The following ADGRV1 variants were observed in gnomAD, a reference collection of about 807,000 sequenced individuals.
ADGRV1 encodes the protein adhesion G protein-coupled receptor V1.
A neutral mutation model predicts 596.2 loss-of-function variants in ADGRV1; 359 were observed. The ratio of observed to expected loss-of-function variants is 0.60; its 90% CI spans 0.55 to 0.66. ADGRV1 has a LOEUF of 0.66. Ranked by LOEUF, ADGRV1 falls within the 30% of genes least tolerant of loss-of-function variation. ADGRV1 has a pLI of 0.00. For synonymous variants in ADGRV1, 2,681 were observed against 2,679.2 expected, an observed-to-expected ratio of 1.00 and a Z score of -0.02; for missense variants, 7,274 against 7,575.6, an observed-to-expected ratio of 0.96 and a Z score of 1.48.
At chr5:90,685,626 A>G (rs1298399270) in intron 28 of ADGRV1, among the ~76,000 whole-genome samples, 154 bp from the exon 29 acceptor site, 1 of 149,506 alleles carries the variant, frequency 6.7e-6, no homozygotes, top group African/African-American at 2.4e-5. Flanking sequence ...AAATAAATAA[A>G]TAAATAAATA....
chr5:90,682,168 T>C (rs979321138), intron 27 of ADGRV1, among the ~76,000 whole-genome samples: 1 of 152,190 alleles, frequency 6.6e-6, no homozygotes, highest in Non-Finnish European at 1.5e-5. Context: ...AGTATGTATA[T>C]GTCCAACTTA....
intron 58 of ADGRV1, chr5:90,762,713 G>C (rs1424448925): frequency 6.6e-6 from 1 of 152,160 alleles, no homozygotes; most frequent in Non-Finnish European, 1.5e-5. Flanking sequence ...CGCTAAAGTA[G>C]GTACACCATA....
At chr5:91,142,921 C>G (rs1795215442) in intron 87 of ADGRV1, among the ~76,000 whole-genome samples, 2 of 152,338 alleles carry the variant, frequency 1.3e-5, no homozygotes, top group Middle Eastern at 3.4e-3. Context: ...CTCAGGCCCA[C>G]TGGGCCTGCT....
chr5:91,137,794 G>A (rs1794766715), intron 87 of ADGRV1, among the ~76,000 whole-genome samples: 2 of 152,174 alleles, frequency 1.3e-5, no homozygotes, highest in Admixed American at 1.3e-4. Flanking sequence ...GACCAAGCCT[G>A]TTCTGTTCAC....
intron 85 of ADGRV1, among the ~76,000 whole-genome samples, chr5:91,039,331 T>C (rs1459987025): frequency 2.6e-5 from 4 of 152,232 alleles, no homozygotes; most frequent in Admixed American, 2.6e-4. Context: ...CGGTTAGGCT[T>C]TCTTCATGAA....
chr5:90,642,679 C>T lies in ADGRV1; in HGVS notation c.2284C>T (p.Arg762Cys), dbSNP rs41302842. ...AGTGCTGAAATCTGGATATACTAGC[C>T]GTGACCTAATTATTTTGGAAAATGA... is the stretch of plus-strand genomic sequence containing the variant. ...NQVLKSGYTSRDLIILENDDP... is the reference protein window; with the variant it reads ...NQVLKSGYTSCDLIILENDDP... Residue 762 changes from arginine (R) to cysteine (C), a missense_variant, in exon 12 of 90, where the codon CGT becomes TGT. By Grantham distance (180) the Arg-to-Cys change is radical. Transcript: ENST00000405460. 259 of 1,613,474 alleles carry T rather than the reference C, an allele frequency of 1.6e-4. 3 individuals are homozygous for T. The South Asian group carries it at 1.8e-3, about 11-fold the overall frequency.
chr5:91,138,414 A>AT (rs1794822019), intron 87 of ADGRV1, among the ~76,000 whole-genome samples: 1 of 151,788 alleles, frequency 6.6e-6, no homozygotes, highest in African/African-American at 2.4e-5. Flanking sequence ...TTCAATTTTT[A>AT]TTTTTTTAAG....
At chr5:90,936,111 T>A (rs546608868) in intron 83 of ADGRV1, among the ~76,000 whole-genome samples, 1 of 152,340 alleles carries the variant, frequency 6.6e-6, no homozygotes, top group East Asian at 1.9e-4. Flanking sequence ...CTAGACTTTA[T>A]GAATCATTGC....
At chr5:91,045,187 A>G (rs181131360) in intron 85 of ADGRV1, among the ~76,000 whole-genome samples, 6 of 152,294 alleles carry the variant, frequency 3.9e-5, no homozygotes, top group Admixed American at 6.5e-5. Flanking sequence ...AAATCATTCT[A>G]TGAAGCCAGT....
chr5:90,940,690 A>G (rs1776099801), intron 83 of ADGRV1, among the ~76,000 whole-genome samples: 1 of 152,214 alleles, frequency 6.6e-6, no homozygotes, highest in Non-Finnish European at 1.5e-5. Context: ...ACAAAAGCCC[A>G]CAGAAGGAGA....
chr5:90,828,354 C>T (rs1764237612), intron 76 of ADGRV1, among the ~76,000 whole-genome samples: 1 of 151,660 alleles, frequency 6.6e-6, no homozygotes, highest in African/African-American at 2.4e-5. Flanking sequence ...TTTCCCCCTC[C>T]TCAGTAATAT....
At chr5:91,072,231 G>C (rs1212686345) in intron 85 of ADGRV1, among the ~76,000 whole-genome samples, 1 of 152,122 alleles carries the variant, frequency 6.6e-6, no homozygotes, top group Admixed American at 6.5e-5. Flanking sequence ...AACTTTACAA[G>C]AGGTGAATGT....
chr5:90,807,558 A>T, intron 72 of ADGRV1, 44 bp from the exon 73 acceptor site: 1 of 1,547,266 alleles, frequency 6.5e-7, no homozygotes, highest in Non-Finnish European at 8.8e-7. Context: ...CCAATTTAAG[A>T]AAAGAAATAA....
At position 90,617,850 on chromosome 5, in the gene ADGRV1, CT is replaced by C; in HGVS notation, c.258del (p.Phe86LeufsTer13). On this transcript the variant is annotated frameshift_variant, in exon 3 of 90. Coordinates refer to ENST00000405460, the MANE Select transcript of ADGRV1 (RefSeq NM_032119.4). LOFTEE classifies it high-confidence loss of function. Reference protein sequence around the residue: ...AGDFFDTYAAAFIPAGETNRT... With the variant: ...AGDFFDTYAAXFIPAGETNRT... ...GACTTTTTTGACACATATGCTGCAG[CT>C]TTTATACCTGCCGGAGAAACAAACA... 6.2e-7 allele frequency: 1 copy of C among 1,600,374 alleles called. No homozygotes were observed.
intron 70 of ADGRV1, among the ~76,000 whole-genome samples, chr5:90,796,995 C>G (rs995984735): frequency 6.6e-6 from 1 of 151,992 alleles, no homozygotes; most frequent in Non-Finnish European, 1.5e-5. Context: ...AAAGTAAAAC[C>G]GGTACCAGCC....
In ADGRV1 at chr5:90,840,999, A is replaced by C; in HGVS notation, c.17019+14A>C. ...TTAATAGAAAAGGTAAGTTTTTGTG[A>C]ATATTAGTAATTTGTTTAGTGAAAT... On this transcript the variant is annotated intron_variant, in intron 78 of 89. Coordinates refer to ENST00000405460, the MANE Select transcript of ADGRV1 (RefSeq NM_032119.4). 1 of 1,405,396 alleles carries C rather than the reference A, an allele frequency of 7.1e-7. No homozygotes were observed. The highest frequency in any genetic ancestry group is 9.3e-7 in the Non-Finnish European group (1 of 1,074,996). 87.1% of individuals were successfully genotyped at this position (1,405,396 alleles called of 1,614,324 possible).
chr5:91,114,397 C>T lies in ADGRV1; in HGVS notation c.18432+12057C>T, dbSNP rs1792662256. Among the ~76,000 whole-genome samples the T allele has an allele frequency of 2.0e-5, 3 of 151,370 alleles. No individual in the cohort carries two copies. The South Asian group carries it at 6.3e-4, about 32-fold the overall frequency. ...CAAAAATTAGCTGGGTGTGGTGGCA[C>T]ACGCCTGTAATTGCAGCTACTCAGA... is the stretch of plus-strand genomic sequence containing the variant. On this transcript the variant is annotated intron_variant, in intron 87 of 89. Coordinates refer to ENST00000405460, the MANE Select transcript of ADGRV1 (RefSeq NM_032119.4).
chr5:90,852,932 C>T (rs1367877414), intron 79 of ADGRV1, among the ~76,000 whole-genome samples: 1 of 152,168 alleles, frequency 6.6e-6, no homozygotes, highest in African/African-American at 2.4e-5. Flanking sequence ...TTTTCTCAAC[C>T]TATTCCAGCA....
intron 1 of ADGRV1, among the ~76,000 whole-genome samples, chr5:90,573,920 T>G (rs1756870771): frequency 6.6e-6 from 1 of 152,204 alleles, no homozygotes; most frequent in African/African-American, 2.4e-5. Context: ...TTTTCCCCAT[T>G]GCTTGTTTTT....
Sources: allele counts gnomAD v4.1 joint callset (sites outside exome capture counted in the v4.1 genomes callset), GRCh38; gene constraint gnomAD v4.1.1; transcripts MANE v1.5; gene names NCBI Gene and HGNC (gene_info 2026-07-23, HGNC 2026-07-21).